The following ANK3 variants were observed in gnomAD, a reference collection of about 807,000 sequenced individuals.
The protein encoded by ANK3 is ankyrin 3, also known as ankyrin-3.
A neutral mutation model predicts 370.9 loss-of-function variants in ANK3; 57 were observed. The observed-to-expected ratio is 0.15, with a 90% CI of 0.12 to 0.19. ANK3 has a LOEUF of 0.19. Among genes scored for constraint, ANK3 ranks in the 10% least tolerant of loss-of-function variants. ANK3 has a pLI of 1.00. For synonymous variants in ANK3, 1,929 were observed against 1,946.3 expected (o/e 0.99, Z 0.23); for missense variants, 4,439 against 5,302.1 (o/e 0.84, Z 5.06).
rs528381424 is a variant in ANK3, at chr10:60,634,485, A to C, written c.58-19261T>G. Among the ~76,000 whole-genome samples the C allele has an allele frequency of 2.9e-4, 44 of 152,236 alleles. No homozygotes were observed. The South Asian group carries it at 8.7e-3, about 30-fold the overall frequency. On this transcript the variant is annotated intron_variant, in intron 1 of 43. Transcript: ENST00000373827. ...CGGACCAATCGGCACTCTGTAAAAC[A>C]GACCAATCAGCACTCTGTAAAACGG...
chr10:60,198,193 C>G lies in ANK3; in HGVS notation c.1689+147G>C, dbSNP rs1003385093. The G allele has an allele frequency of 4.3e-5, 34 of 783,396 alleles. 1 individual carries two copies. The South Asian group carries it at 5.9e-4, about 14-fold the overall frequency. The allele number at this position is 783,396 out of a possible 1,614,324, so 48.5% of individuals were successfully genotyped here. On this transcript the variant is annotated intron_variant, in intron 14 of 43. Transcript: ENST00000280772. Reference sequence around the variant, plus strand: ...TACTACCAGTTACCCTCTCCCACCACAGAGCTTTGCTGGCCATATTAATGA... The same window carrying G: ...TACTACCAGTTACCCTCTCCCACCAGAGAGCTTTGCTGGCCATATTAATGA...
rs192795891 is a variant in ANK3, at chr10:60,139,617, T to G, written c.2615-530A>C. 251 of 153,502 alleles carry G rather than the reference T, an allele frequency of 1.6e-3. 2 individuals are homozygous for G. Among genetic ancestry groups the G allele is most frequent in the Middle Eastern group, 6.8e-3 (2 of 296 alleles). The allele number at this position is 153,502 out of a possible 1,614,324, so 9.5% of individuals were successfully genotyped here. On this transcript the variant is annotated intron_variant, in intron 23 of 43. Transcript: ENST00000280772. The stretch of plus-strand genomic sequence containing the variant: ...TTATGTGAACTATAACTTGCTTGGT[T>G]GGAGAGCCTTGGAACACATCAATTT...
intron 1 of ANK3, among the ~76,000 whole-genome samples, chr10:60,363,931 T>C (rs7902423): frequency 0.36 from 55,122 of 151,272 alleles, 10,903 homozygotes; most frequent in Middle Eastern, 0.48. Context: ...AACAAAGGTG[T>C]TACCAGCCCA....
chr10:60,598,651 G>T (rs1009823782), intron 2 of ANK3, among the ~76,000 whole-genome samples: 7 of 152,120 alleles, frequency 4.6e-5, no homozygotes, highest in African/African-American at 1.7e-4. Context: ...TTATCAAAAA[G>T]TATTTTGCAT....
chr10:60,158,984 A>T (rs2095427365), intron 23 of ANK3, among the ~76,000 whole-genome samples: 1 of 152,150 alleles, frequency 6.6e-6, no homozygotes, highest in Admixed American at 6.6e-5. Flanking sequence ...CCAATAAAAA[A>T]AAATCACTTT....
At chr10:60,691,728 A>G (rs998723091) in intron 1 of ANK3, among the ~76,000 whole-genome samples, 1 of 152,194 alleles carries the variant, frequency 6.6e-6, no homozygotes, top group Non-Finnish European at 1.5e-5. Flanking sequence ...TAACACAGCA[A>G]TACCAAATAC....
chr10:60,415,826 C>T (rs1480069552), intron 2 of ANK3, among the ~76,000 whole-genome samples: 1 of 149,708 alleles, frequency 6.7e-6, no homozygotes, highest in Non-Finnish European at 1.5e-5. Context: ...AATAAAGTTC[C>T]TGTTCATTCA....
At chr10:60,674,976 T>A (rs929206465) in intron 1 of ANK3, among the ~76,000 whole-genome samples, 4 of 152,196 alleles carry the variant, frequency 2.6e-5, no homozygotes, top group African/African-American at 9.6e-5. Flanking sequence ...AGGGGCAAGT[T>A]GACCTCAAAA....
At chr10:60,270,950 C>A (rs1353549265) in intron 4 of ANK3, among the ~76,000 whole-genome samples, 1 of 151,956 alleles carries the variant, frequency 6.6e-6, no homozygotes, top group Non-Finnish European at 1.5e-5. Flanking sequence ...CATACATATG[C>A]ACATATATTT....
intron 28 of ANK3, among the ~76,000 whole-genome samples, chr10:60,091,503 G>A (rs988109505): frequency 6.8e-5 from 10 of 147,870 alleles, no homozygotes; most frequent in Non-Finnish European, 1.2e-4. Flanking sequence ...ATAAATCAAA[G>A]TGAGGGACTA....
chr10:60,707,074 C>T (rs1406333633), intron 1 of ANK3, among the ~76,000 whole-genome samples: 1 of 152,048 alleles, frequency 6.6e-6, no homozygotes, highest in Non-Finnish European at 1.5e-5. Flanking sequence ...AGTTCATAAT[C>T]AATAATTACA....
chr10:60,709,912 T>G (rs1033916677), intron 1 of ANK3, among the ~76,000 whole-genome samples: 3 of 152,088 alleles, frequency 2.0e-5, no homozygotes, highest in Non-Finnish European at 4.4e-5. Flanking sequence ...ATCAATATCA[T>G]AGGTTTACAA....
intron 1 of ANK3, among the ~76,000 whole-genome samples, chr10:60,716,962 C>T (rs1037166752): frequency 1.3e-5 from 2 of 152,116 alleles, no homozygotes; most frequent in South Asian, 2.1e-4. Flanking sequence ...ATCTAAAGAG[C>T]GGAGACCCAG....
chr10:60,060,052 C>A, intron 40 of ANK3: 2 of 1,434,634 alleles, frequency 1.4e-6, no homozygotes, highest in South Asian at 1.5e-5. Flanking sequence ...AATTAGAATA[C>A]ATCAAACAAA....
At chr10:60,175,076 T>C (rs1289383455) in intron 18 of ANK3, among the ~76,000 whole-genome samples, 1 of 152,166 alleles carries the variant, frequency 6.6e-6, no homozygotes, top group Non-Finnish European at 1.5e-5. Context: ...CTCATTCTTA[T>C]TAAAACCCTA....
At chr10:60,241,887 A>G (rs2097464857) in intron 7 of ANK3, among the ~76,000 whole-genome samples, 1 of 152,232 alleles carries the variant, frequency 6.6e-6, no homozygotes, top group African/African-American at 2.4e-5. Context: ...TAAAGCATTA[A>G]TGAGACCTGG....
At chr10:60,153,699 C>T (rs552286715) in intron 23 of ANK3, among the ~76,000 whole-genome samples, 1 of 152,244 alleles carries the variant, frequency 6.6e-6, no homozygotes, top group East Asian at 1.9e-4. Context: ...ATGGAACAGA[C>T]TTTGCTTTAG....
rs940415931 is a variant in ANK3 at position 60,728,412 on chromosome 10, T to C, written c.57+4851A>G. On this transcript the variant is annotated intron_variant, in intron 1 of 43. Transcript: ENST00000373827. ...ACAATTGCTTTAAAATAAGATTTTC[T>C]GAGAAAACGAAATCATTTTTTTAAA... Among the ~76,000 whole-genome samples, 4 of 152,028 alleles carry C rather than the reference T, an allele frequency of 2.6e-5. No individual in the cohort carries two copies. In the East Asian group the frequency reaches 7.8e-4, roughly 30 times the overall value.
At chr10:60,253,437 G>A (rs1269925847) in intron 7 of ANK3, among the ~76,000 whole-genome samples, 2 of 152,190 alleles carry the variant, frequency 1.3e-5, no homozygotes, top group African/African-American at 2.4e-5. Flanking sequence ...ACGGGAAGAT[G>A]TCAATGAATT....
Sources: gnomAD v4.1 joint callset for allele counts (sites outside exome capture counted in the v4.1 genomes callset) on GRCh38, gnomAD v4.1.1 for gene constraint, MANE v1.5 for transcripts, NCBI Gene and HGNC (gene_info 2026-07-23, HGNC 2026-07-21) for gene names.